Variants in SLC71A2 observed in about 807,000 individuals in gnomAD.
SLC71A2 encodes solute carrier family 71 member 2.
At chr9:94,410,411 T>G in the SLC71A2 span, among the ~76,000 whole-genome samples, 1 of 130,190 alleles carries the variant, frequency 7.7e-6, no homozygotes. Context: ...CCTATTTTTT[T>G]CCCCCCCTAA....
chr9:94,460,997 G>A, the SLC71A2 span: 1 of 151,766 alleles, frequency 6.6e-6, no homozygotes, highest in Non-Finnish European at 1.5e-5. Flanking sequence ...ATTAAACTGA[G>A]TTGTAATCTT....
At chr9:94,419,481 A>G in the SLC71A2 span, among the ~76,000 whole-genome samples, 1 of 149,196 alleles carries the variant, frequency 6.7e-6, no homozygotes, top group Non-Finnish European at 1.5e-5. Flanking sequence ...TTTGTTTTGT[A>G]TTTTTAGTAG....
the SLC71A2 span, among the ~76,000 whole-genome samples, chr9:94,416,986 A>G: frequency 3.9e-5 from 6 of 152,164 alleles, no homozygotes; most frequent in South Asian, 2.1e-4. Context: ...TAGGAAACCT[A>G]TAGTAGGTTA....
At chr9:94,442,268 A>G in the SLC71A2 span, among the ~76,000 whole-genome samples, 1 of 152,212 alleles carries the variant, frequency 6.6e-6, no homozygotes, top group African/African-American at 2.4e-5. Flanking sequence ...TCCTGAATCA[A>G]TGATGGGCAT....
At chr9:94,399,288 C>T in the SLC71A2 span, among the ~76,000 whole-genome samples, 9 of 152,146 alleles carry the variant, frequency 5.9e-5, no homozygotes, top group South Asian at 1.9e-3. Flanking sequence ...AGCTGTTTCT[C>T]CAAGGAGCCC....
chr9:94,429,423 CAT>C, the SLC71A2 span, among the ~76,000 whole-genome samples: 7 of 152,206 alleles, frequency 4.6e-5, no homozygotes, highest in South Asian at 1.5e-3. Flanking sequence ...AACACAAATA[CAT>C]AAGGCATAGA....
the SLC71A2 span, among the ~76,000 whole-genome samples, chr9:94,409,136 T>TTTTTTTC: frequency 2.2e-5 from 3 of 133,878 alleles, no homozygotes; most frequent in Non-Finnish European, 3.2e-5. Flanking sequence ...CTCCTTTTTT[T>TTTTTTTC]TTTTTTTTTT....
At chr9:94,397,489 A>AAAAAAAAAGG in the SLC71A2 span, among the ~76,000 whole-genome samples, 1 of 8,600 alleles carries the variant, frequency 1.2e-4, no homozygotes, top group South Asian at 2.5e-3. Context: ...AGTGTTTGGA[A>AAAAAAAAAGG]AAAAAAAAAG....
chr9:94,413,026 C>T, the SLC71A2 span, among the ~76,000 whole-genome samples: 1 of 151,958 alleles, frequency 6.6e-6, no homozygotes, highest in Non-Finnish European at 1.5e-5. Flanking sequence ...AATGTATAAC[C>T]TCAATCTAAT....
At chr9:94,404,710 A>C in the SLC71A2 span, among the ~76,000 whole-genome samples, 1 of 152,188 alleles carries the variant, frequency 6.6e-6, no homozygotes, top group Non-Finnish European at 1.5e-5. Context: ...TGTGAGTTGA[A>C]AAAGTTTATT....
the SLC71A2 span, chr9:94,454,144 G>C: frequency 9.9e-7 from 1 of 1,007,850 alleles, no homozygotes; most frequent in Non-Finnish European, 1.6e-6. Flanking sequence ...GGTTGGGTGT[G>C]ATGAGAAGGA....
chr9:94,424,329 G>A, the SLC71A2 span, among the ~76,000 whole-genome samples: 4 of 151,944 alleles, frequency 2.6e-5, no homozygotes, highest in African/African-American at 4.8e-5. Context: ...CCGCCTTCTG[G>A]GTTCAAGTGA....
the SLC71A2 span, chr9:94,456,095 A>C: frequency 1.8e-6 from 1 of 569,736 alleles, no homozygotes; most frequent in Non-Finnish European, 3.1e-6. Context: ...AGGTTAAAAA[A>C]AAAATGCATT....
At chr9:94,375,688 T>C in the SLC71A2 span, among the ~76,000 whole-genome samples, 18 of 151,964 alleles carry the variant, frequency 1.2e-4, no homozygotes, top group Non-Finnish European at 2.2e-4. Context: ...ACTGACACAA[T>C]GGGAAAGTTT....
At chr9:94,438,647 A>G in the SLC71A2 span, 1 of 1,040,574 alleles carries the variant, frequency 9.6e-7, no homozygotes, top group Non-Finnish European at 1.4e-6. Flanking sequence ...TTTTCATTTG[A>G]TCTCTCTGGT....
chr9:94,400,346 C>T, the SLC71A2 span, among the ~76,000 whole-genome samples: 3 of 151,680 alleles, frequency 2.0e-5, no homozygotes, highest in Non-Finnish European at 2.9e-5. Flanking sequence ...AGTTTCAGTC[C>T]GTTGCCTGAG....
the SLC71A2 span, among the ~76,000 whole-genome samples, chr9:94,382,801 C>T: frequency 3.3e-5 from 5 of 151,812 alleles, no homozygotes; most frequent in Non-Finnish European, 7.4e-5. Flanking sequence ...CTCAGCCTCC[C>T]GAGTAGCTGG....
At chr9:94,447,744 G>A in the SLC71A2 span, among the ~76,000 whole-genome samples, 2 of 152,102 alleles carry the variant, frequency 1.3e-5, no homozygotes, top group East Asian at 1.9e-4. Context: ...TTGGACAAAC[G>A]TATGATGACA....
chr9:94,458,590 ATT>A, the SLC71A2 span: 1 of 876,046 alleles, frequency 1.1e-6, no homozygotes, highest in East Asian at 2.5e-5. Context: ...AGCAATAAGT[ATT>A]GTGTTCATTG....
Sources: allele counts gnomAD v4.1 joint callset (sites outside exome capture counted in the v4.1 genomes callset), GRCh38; gene constraint gnomAD v4.1.1; transcripts MANE v1.5; gene names NCBI Gene and HGNC (gene_info 2026-07-23, HGNC 2026-07-21).